Variants in PMFBP1 observed in about 807,000 individuals in gnomAD.
PMFBP1 encodes polyamine-modulated factor 1-binding protein 1.
A neutral mutation model predicts 137.8 loss-of-function variants in PMFBP1; 131 were observed. The observed-to-expected ratio is 0.95, with a 90% CI of 0.82 to 1.10. The LOEUF is 1.10. Ranked by LOEUF, PMFBP1 falls within the 50% of genes least tolerant of loss-of-function variation. The pLI is 0.00. For synonymous variants in PMFBP1, 490 were observed against 450.4 expected (o/e 1.09, Z -1.11); for missense variants, 1,199 against 1,175.4 (o/e 1.02, Z -0.29).
At chr16:72,125,004 G>C (rs2042433156) in intron 16 of PMFBP1, 70 bp from the exon 17 acceptor site, 1 of 1,567,998 alleles carries the variant, frequency 6.4e-7, no homozygotes, top group Non-Finnish European at 8.7e-7. Flanking sequence ...CACAAGGCCA[G>C]AGGGTGCTTC....
intron 4 of PMFBP1, among the ~76,000 whole-genome samples, chr16:72,152,475 C>G (rs1017484080): frequency 6.6e-6 from 1 of 152,088 alleles, no homozygotes; most frequent in African/African-American, 2.4e-5. Flanking sequence ...CGGAAAGTGT[C>G]CTTAAAAGGA....
chr16:72,130,422 G>C (rs905958049), intron 11 of PMFBP1, 65 bp from the exon 12 acceptor site: 2 of 1,609,034 alleles, frequency 1.2e-6, no homozygotes, highest in African/African-American at 2.7e-5. Flanking sequence ...TTGTGGAGCT[G>C]ACCCAATGGG....
Position 72,119,359 on chromosome 16 carries a change from G to C in PMFBP1, c.3008-5C>G, listed in dbSNP as rs764648660. On this transcript the variant is annotated splice_polypyrimidine_tract_variant and splice_region_variant and intron_variant, in intron 20 of 20. Transcript: ENST00000237353. The stretch of plus-strand genomic sequence containing the variant: ...GATTCTAGCAGTATGAGGAACCTGA[G>C]GGAACAGGGAGGAAATGAGAGTTTT... 1 of 1,614,194 alleles carries C rather than the reference G, an allele frequency of 6.2e-7. No individual in the cohort carries two copies. The highest frequency in any genetic ancestry group is 8.5e-7 in the Non-Finnish European group (1 of 1,180,006).
chr16:72,200,942 T>A, the PMFBP1 span, among the ~76,000 whole-genome samples: 2 of 152,190 alleles, frequency 1.3e-5, no homozygotes, highest in African/African-American at 4.8e-5. Context: ...GTGACATCCA[T>A]AGGGACCTGG....
the PMFBP1 span, among the ~76,000 whole-genome samples, chr16:72,182,721 T>C: frequency 6.6e-6 from 1 of 152,352 alleles, no homozygotes; most frequent in East Asian, 1.9e-4. Context: ...CCTTGTGCTG[T>C]AGCCTCTCCC....
chr16:72,157,201 A>C (rs1376409414), intron 3 of PMFBP1, among the ~76,000 whole-genome samples: 4 of 149,368 alleles, frequency 2.7e-5, no homozygotes, highest in Non-Finnish European at 3.0e-5. Flanking sequence ...AAAAAAAAAA[A>C]AAAAAAAAAA....
the PMFBP1 span, among the ~76,000 whole-genome samples, chr16:72,228,563 T>TA: frequency 2.0e-5 from 3 of 152,174 alleles, no homozygotes; most frequent in Non-Finnish European, 4.4e-5. Flanking sequence ...TGTGAGCTCT[T>TA]ACAGGACACA....
intron 14 of PMFBP1, among the ~76,000 whole-genome samples, chr16:72,126,599 T>C (rs2042462810): frequency 6.6e-6 from 1 of 152,246 alleles, no homozygotes; most frequent in African/African-American, 2.4e-5. Context: ...TCCCCATTGC[T>C]GTAACTCAGG....
the PMFBP1 span, among the ~76,000 whole-genome samples, chr16:72,241,928 A>G: frequency 1.3e-5 from 2 of 152,144 alleles, no homozygotes; most frequent in South Asian, 4.1e-4. Context: ...AGTTATTTTT[A>G]ATTTATAATT....
At chr16:72,227,834 A>T in the PMFBP1 span, among the ~76,000 whole-genome samples, 1 of 152,186 alleles carries the variant, frequency 6.6e-6, no homozygotes, top group Non-Finnish European at 1.5e-5. Context: ...TGTGGCATAT[A>T]TATGTACTTA....
intron 12 of PMFBP1, 150 bp from the exon 13 acceptor site, chr16:72,129,383 C>A: frequency 1.2e-6 from 1 of 861,190 alleles, no homozygotes; most frequent in Non-Finnish European, 1.7e-6. Context: ...AGGTTTCCTC[C>A]AACGCCTGTA....
intron 16 of PMFBP1, 74 bp from the exon 17 acceptor site, chr16:72,125,008 G>A: frequency 1.9e-6 from 3 of 1,555,692 alleles, no homozygotes; most frequent in Non-Finnish European, 2.6e-6. Flanking sequence ...AGGCCAGAGG[G>A]TGCTTCCTGG....
At chr16:72,123,722 C>G in intron 17 of PMFBP1, 73 bp from the exon 18 acceptor site, 4 of 1,330,332 alleles carry the variant, frequency 3.0e-6, no homozygotes, top group Non-Finnish European at 4.2e-6. Flanking sequence ...CCGAGTCAGG[C>G]CTCTTCTATC....
intron 5 of PMFBP1, 110 bp downstream of exon 5, chr16:72,150,498 A>C: frequency 9.9e-7 from 1 of 1,006,596 alleles, no homozygotes; most frequent in South Asian, 1.4e-5. Context: ...GCAGGAAGTG[A>C]CATCTGGGTA....
chr16:72,172,621 T>A (rs1020485365), upstream of PMFBP1, among the ~76,000 whole-genome samples: 1 of 151,678 alleles, frequency 6.6e-6, no homozygotes, highest in Non-Finnish European at 1.5e-5. Context: ...AATATAGGCA[T>A]ATGTCAGAGA....
At chr16:72,231,416 T>C in the PMFBP1 span, among the ~76,000 whole-genome samples, 1 of 152,238 alleles carries the variant, frequency 6.6e-6, no homozygotes, top group South Asian at 2.1e-4. Flanking sequence ...CTTTGACACA[T>C]CCACTGCCTG....
At chr16:72,143,440 A>G (rs2042753922) in intron 5 of PMFBP1, among the ~76,000 whole-genome samples, 1 of 152,242 alleles carries the variant, frequency 6.6e-6, no homozygotes, top group Non-Finnish European at 1.5e-5. Context: ...GTTTTCCTAT[A>G]CAACAGTAAT....
At chr16:72,164,013 C>CACTA (rs2043103718) in intron 3 of PMFBP1, among the ~76,000 whole-genome samples, 1 of 149,450 alleles carries the variant, frequency 6.7e-6, no homozygotes, top group Non-Finnish European at 1.5e-5. Context: ...CACAAATCAC[C>CACTA]ACTAAAGAAC....
the PMFBP1 span, among the ~76,000 whole-genome samples, chr16:72,225,497 C>T: frequency 6.6e-6 from 1 of 151,806 alleles, no homozygotes; most frequent in African/African-American, 2.4e-5. Flanking sequence ...CAAGACCAGC[C>T]TGGGTAACAC....
Sources: gnomAD v4.1 joint callset for allele counts (sites outside exome capture counted in the v4.1 genomes callset) on GRCh38, gnomAD v4.1.1 for gene constraint, MANE v1.5 for transcripts, NCBI Gene and HGNC (gene_info 2026-07-23, HGNC 2026-07-21) for gene names.